SDK1: variants seen among roughly 807,000 people sequenced by gnomAD.
SDK1 encodes the protein protein sidekick-1.
In SDK1, 157 loss-of-function variants were observed where a neutral mutation model predicts 245.5. The observed-to-expected ratio is 0.64, with a 90% CI of 0.56 to 0.73. The LOEUF (loss-of-function observed/expected upper bound fraction) is 0.73, where lower values mean the gene tolerates loss of function less well. SDK1 is among the 30% of genes least tolerant of loss of function. SDK1 has a pLI of 0.00. For missense variants in SDK1, 3,583 were observed against 3,002.3 expected, an observed-to-expected ratio of 1.19 and a Z score of -4.52; for synonymous variants, 1,647 against 1,278.5, an observed-to-expected ratio of 1.29 and a Z score of -6.15.
In SDK1 at chr7:3,401,745, C is replaced by T. The variant is rs138035691; in HGVS notation, c.298+99861C>T. Among the ~76,000 whole-genome samples, 720 of 151,808 alleles carry T rather than the reference C, an allele frequency of 4.7e-3. 9 individuals carry two copies. Among genetic ancestry groups the T allele is most frequent in the African/African-American group, 0.016 (675 of 41,392 alleles). On this transcript the variant is annotated intron_variant, in intron 1 of 44. Coordinates refer to ENST00000404826, the MANE Select transcript of SDK1 (RefSeq NM_152744.4). ...CTGATGTGTAATAATTTTGTATCTA[C>T]TAGTATTAGAATGTATGAATTACCC...
At chr7:4,101,884 G>A (rs1433040225) in intron 22 of SDK1, among the ~76,000 whole-genome samples, 2 of 152,150 alleles carry the variant, frequency 1.3e-5, no homozygotes, top group South Asian at 2.1e-4. Flanking sequence ...CAGAGAAAGG[G>A]CCAGATGGGG....
chr7:3,396,917 A>G (rs565773703), intron 1 of SDK1, among the ~76,000 whole-genome samples: 1 of 151,780 alleles, frequency 6.6e-6, no homozygotes, highest in Admixed American at 6.6e-5. Flanking sequence ...TAAATGTTAT[A>G]TATTTTTTGT....
At chr7:3,408,106 C>T (rs904919670) in intron 1 of SDK1, among the ~76,000 whole-genome samples, 5 of 152,028 alleles carry the variant, frequency 3.3e-5, no homozygotes, top group East Asian at 1.9e-4. Flanking sequence ...GGTGCGGTCT[C>T]GGCTTACTGC....
chr7:3,724,615 C>A (rs930791235), intron 4 of SDK1, among the ~76,000 whole-genome samples: 5 of 152,128 alleles, frequency 3.3e-5, no homozygotes, highest in Admixed American at 3.3e-4. Flanking sequence ...AGCGCATATG[C>A]AACAAAAGTG....
intron 28 of SDK1, among the ~76,000 whole-genome samples, chr7:4,133,804 T>A (rs1047261461): frequency 7.2e-5 from 11 of 152,092 alleles, no homozygotes; most frequent in Admixed American, 3.9e-4. Flanking sequence ...CCAGGTTAGC[T>A]CTCGGGATAT....
chr7:4,113,665 G>A (rs1181107321), intron 24 of SDK1, among the ~76,000 whole-genome samples: 3 of 152,206 alleles, frequency 2.0e-5, no homozygotes, highest in Non-Finnish European at 4.4e-5. Context: ...TTGGAACTGA[G>A]GAATATTCCT....
intron 5 of SDK1, among the ~76,000 whole-genome samples, chr7:3,924,187 G>C (rs1257187983): frequency 6.6e-6 from 1 of 152,018 alleles, no homozygotes; most frequent in Non-Finnish European, 1.5e-5. Context: ...TCTGGCATTG[G>C]GGATGGGGAA....
chr7:3,507,932 G>T (rs754084885), intron 1 of SDK1, among the ~76,000 whole-genome samples: 4 of 152,058 alleles, frequency 2.6e-5, no homozygotes, highest in African/African-American at 9.7e-5. Flanking sequence ...AACCTATCTC[G>T]GTCTTAATCT....
intron 35 of SDK1, among the ~76,000 whole-genome samples, chr7:4,204,567 G>T (rs973290400): frequency 1.3e-5 from 2 of 152,228 alleles, no homozygotes; most frequent in Non-Finnish European, 2.9e-5. Flanking sequence ...CCTGAGGTCA[G>T]TCTCTCCCAA....
intron 2 of SDK1, among the ~76,000 whole-genome samples, chr7:3,619,458 G>A (rs1229080731): frequency 1.3e-5 from 2 of 152,178 alleles, no homozygotes; most frequent in Admixed American, 1.3e-4. Flanking sequence ...ATTTGTAAAA[G>A]TAAGCCCATT....
intron 5 of SDK1, among the ~76,000 whole-genome samples, chr7:3,931,228 G>A (rs1779966384): frequency 6.6e-6 from 1 of 152,086 alleles, no homozygotes; most frequent in South Asian, 2.1e-4. Flanking sequence ...CTTCTCAAAT[G>A]AGAAATTCAC....
chr7:3,714,721 A>G (rs140592501), intron 4 of SDK1, among the ~76,000 whole-genome samples: 11 of 152,338 alleles, frequency 7.2e-5, no homozygotes, highest in African/African-American at 2.4e-4. Context: ...GTGCTTCTAA[A>G]ACAAGTTTCC....
intron 44 of SDK1, among the ~76,000 whole-genome samples, chr7:4,260,651 G>T (rs111661906): frequency 2.9e-3 from 232 of 80,358 alleles, no homozygotes; most frequent in Middle Eastern, 0.011. Context: ...GGGGTCTCTG[G>T]GTGTGTGGGA....
At chr7:3,511,665 TA>T (rs1246207260) in intron 1 of SDK1, among the ~76,000 whole-genome samples, 2 of 152,114 alleles carry the variant, frequency 1.3e-5, no homozygotes, top group African/African-American at 2.4e-5. Context: ...CCAATTATTT[TA>T]AAAATCCTTT....
intron 5 of SDK1, among the ~76,000 whole-genome samples, chr7:3,861,090 C>T (rs541621507): frequency 6.6e-6 from 1 of 152,288 alleles, no homozygotes; most frequent in Admixed American, 6.5e-5. Context: ...CTCTGTAACC[C>T]TTCAGTCTAC....
rs544555529 is a variant in SDK1 at position 4,008,568 on chromosome 7, G to C, written c.2132-2398G>C. Among the ~76,000 whole-genome samples the C allele has an allele frequency of 7.9e-5, 12 of 151,998 alleles. No individual in the cohort carries two copies. The East Asian group carries it at 2.3e-3, about 29-fold the overall frequency. On this transcript the variant is annotated intron_variant, in intron 14 of 44. Coordinates refer to ENST00000404826, the MANE Select transcript of SDK1 (RefSeq NM_152744.4). ...GATTTTTTTTAGATAAGGTGGGCAC[G>C]TAAAAGAAAGCGAAGAGGAAAGGGG...
intron 1 of SDK1, among the ~76,000 whole-genome samples, chr7:3,366,239 T>C (rs893698141): frequency 2.0e-5 from 3 of 152,192 alleles, no homozygotes; most frequent in African/African-American, 7.2e-5. Flanking sequence ...TTCTTCCCAG[T>C]ATCACCCTAT....
chr7:3,548,116 CAATT>C (rs1779287723), intron 1 of SDK1, among the ~76,000 whole-genome samples: 1 of 152,036 alleles, frequency 6.6e-6, no homozygotes, highest in Admixed American at 6.6e-5. Context: ...AAGTTTCCCA[CAATT>C]AAATCAGTAT....
At chr7:4,032,692 A>G (rs1343267104) in intron 17 of SDK1, among the ~76,000 whole-genome samples, 3 of 152,264 alleles carry the variant, frequency 2.0e-5, no homozygotes, top group Admixed American at 6.5e-5. Context: ...CATAGCTTGA[A>G]GTTGTAATCA....
Sources: allele counts gnomAD v4.1 joint callset (sites outside exome capture counted in the v4.1 genomes callset), GRCh38; gene constraint gnomAD v4.1.1; transcripts MANE v1.5; gene names NCBI Gene and HGNC (gene_info 2026-07-23, HGNC 2026-07-21).